Variants in ZNF385D observed in about 807,000 individuals in gnomAD.
The protein encoded by ZNF385D is zinc finger protein 385D, also known as zinc finger protein 659.
In ZNF385D, 15 loss-of-function variants were observed where a neutral mutation model predicts 35.8. The ratio of observed to expected loss-of-function variants is 0.42; its 90% CI spans 0.28 to 0.64. The LOEUF (loss-of-function observed/expected upper bound fraction) is 0.64, where lower values mean the gene tolerates loss of function less well. Ranked by LOEUF, ZNF385D falls within the 30% of genes least tolerant of loss-of-function variation. The pLI, the probability that ZNF385D is intolerant of heterozygous loss-of-function variation, is 0.23. For missense variants in ZNF385D, 474 were observed against 494.6 expected (o/e 0.96, Z 0.39); for synonymous variants, 212 against 186.8 (o/e 1.13, Z -1.10).
At chr3:22,193,905 G>A (rs1696230394) in intron 2 of ZNF385D, among the ~76,000 whole-genome samples, 1 of 151,926 alleles carries the variant, frequency 6.6e-6, no homozygotes, top group African/African-American at 2.4e-5. Flanking sequence ...CAAGTCATGG[G>A]AATGTCAGTT....
chr3:22,133,238 C>T (rs1703904814), intron 3 of ZNF385D, among the ~76,000 whole-genome samples: 1 of 152,106 alleles, frequency 6.6e-6, no homozygotes, highest in Admixed American at 6.6e-5. Flanking sequence ...CTTCAACATC[C>T]TTCTTTTTTA....
chr3:22,277,546 C>A (rs9310689), intron 2 of ZNF385D, among the ~76,000 whole-genome samples: 17,995 of 151,904 alleles, frequency 0.12, 2,008 homozygotes, highest in African/African-American at 0.3. Flanking sequence ...TAGTATCAAA[C>A]GAATTAAAGC....
At chr3:22,020,075 G>A (rs1032869026) in intron 3 of ZNF385D, among the ~76,000 whole-genome samples, 9 of 151,700 alleles carry the variant, frequency 5.9e-5, no homozygotes, top group Non-Finnish European at 1.2e-4. Flanking sequence ...ATTAAAAAAT[G>A]TAAAACAAAT....
At chr3:22,081,989 CTATTT>C (rs1447896179) in intron 3 of ZNF385D, among the ~76,000 whole-genome samples, 2 of 63,276 alleles carry the variant, frequency 3.2e-5, no homozygotes, top group African/African-American at 1.3e-4. Flanking sequence ...TTGGGGTTTT[CTATTT>C]TTTTTTTTTT....
intron 2 of ZNF385D, among the ~76,000 whole-genome samples, chr3:22,346,742 CA>C (rs562765894): frequency 1.3e-5 from 2 of 152,080 alleles, no homozygotes; most frequent in Admixed American, 6.6e-5. Context: ...TCTCTCACCT[CA>C]AAAAAACCCC....
At chr3:22,280,611 C>T (rs115508951) in intron 2 of ZNF385D, among the ~76,000 whole-genome samples, 101 of 152,014 alleles carry the variant, frequency 6.6e-4, no homozygotes, top group Admixed American at 1.2e-3. Flanking sequence ...GTTCTCCATT[C>T]GTCCCATTGG....
chr3:22,266,451 A>C (rs959249755), intron 2 of ZNF385D, among the ~76,000 whole-genome samples: 1 of 151,890 alleles, frequency 6.6e-6, no homozygotes, highest in African/African-American at 2.4e-5. Context: ...TCCTGTTCAC[A>C]TAGTCAGCTG....
intron 3 of ZNF385D, among the ~76,000 whole-genome samples, chr3:21,879,046 T>C (rs1348709530): frequency 6.6e-6 from 1 of 152,042 alleles, no homozygotes; most frequent in African/African-American, 2.4e-5. Flanking sequence ...ATATGTGCCT[T>C]TGTTATTTTT....
chr3:22,356,079 T>C (rs1444541483), intron 2 of ZNF385D, among the ~76,000 whole-genome samples: 1 of 151,986 alleles, frequency 6.6e-6, no homozygotes, highest in East Asian at 1.9e-4. Flanking sequence ...TGTAGGTATA[T>C]GAGTCTATGT....
At chr3:22,368,903 TAGA>T (rs1173717625) in intron 2 of ZNF385D, among the ~76,000 whole-genome samples, 2 of 152,198 alleles carry the variant, frequency 1.3e-5, no homozygotes, top group African/African-American at 4.8e-5. Context: ...TTTAATTGAC[TAGA>T]ATGTTTTAAA....
At chr3:21,500,195 T>A (rs1292516971) in intron 4 of ZNF385D, among the ~76,000 whole-genome samples, 1 of 152,230 alleles carries the variant, frequency 6.6e-6, no homozygotes, top group Non-Finnish European at 1.5e-5. Context: ...TGTAATAAAG[T>A]TCAATTAGTA....
At chr3:22,228,652 T>C (rs1298358492) in intron 2 of ZNF385D, among the ~76,000 whole-genome samples, 3 of 152,198 alleles carry the variant, frequency 2.0e-5, no homozygotes, top group African/African-American at 7.2e-5. Flanking sequence ...TTGCAAAGTA[T>C]TGTTCCTGGG....
At chr3:22,130,862 C>A (rs1210396353) in intron 3 of ZNF385D, among the ~76,000 whole-genome samples, 1 of 152,066 alleles carries the variant, frequency 6.6e-6, no homozygotes, top group Non-Finnish European at 1.5e-5. Flanking sequence ...GGGGAACAAT[C>A]ATTAGTGGGT....
chr3:21,841,764 T>G (rs1243473930), intron 3 of ZNF385D, among the ~76,000 whole-genome samples: 1 of 152,074 alleles, frequency 6.6e-6, no homozygotes, highest in African/African-American at 2.4e-5. Context: ...TAGGAAGACC[T>G]TGACTTTATT....
At chr3:21,623,161 ACCT>A (rs2065051166) in intron 2 of ZNF385D, among the ~76,000 whole-genome samples, 2 of 152,056 alleles carry the variant, frequency 1.3e-5, no homozygotes, top group Non-Finnish European at 2.9e-5. Flanking sequence ...AATACAAAGC[ACCT>A]GCCCCACTGG....
chr3:21,433,073 A>G (rs17008710), intron 5 of ZNF385D, among the ~76,000 whole-genome samples: 1 of 152,116 alleles, frequency 6.6e-6, no homozygotes, highest in African/African-American at 2.4e-5. Context: ...ATATATACAA[A>G]GGCCCAGAGA....
intron 3 of ZNF385D, among the ~76,000 whole-genome samples, chr3:22,138,912 T>C (rs1226686279): frequency 6.6e-6 from 1 of 152,126 alleles, no homozygotes; most frequent in Non-Finnish European, 1.5e-5. Flanking sequence ...TTTTGCAACC[T>C]ACTCATCTGA....
intron 1 of ZNF385D, among the ~76,000 whole-genome samples, chr3:21,735,375 T>C (rs1179530956): frequency 6.6e-6 from 1 of 152,314 alleles, no homozygotes; most frequent in East Asian, 1.9e-4. Context: ...GCCCTATTTG[T>C]GCCACTCACT....
chr3:22,087,103 C>A (rs537894796), intron 3 of ZNF385D, among the ~76,000 whole-genome samples: 2 of 152,038 alleles, frequency 1.3e-5, no homozygotes. Context: ...ATTTTCTGAT[C>A]GGAGCATGTT....
Sources: allele counts gnomAD v4.1 joint callset (sites outside exome capture counted in the v4.1 genomes callset), GRCh38; gene constraint gnomAD v4.1.1; transcripts MANE v1.5; gene names NCBI Gene and HGNC (gene_info 2026-07-23, HGNC 2026-07-21).